The following ZBTB7A variants were observed in gnomAD, a reference collection of about 807,000 sequenced individuals.
The protein encoded by ZBTB7A is zinc finger and BTB domain-containing protein 7A.
Under a neutral mutation model 26.7 loss-of-function variants are expected in ZBTB7A, and 7 were observed. The observed-to-expected ratio is 0.26, with a 90% CI of 0.15 to 0.49. The LOEUF (loss-of-function observed/expected upper bound fraction) is 0.49. Ranked by LOEUF, ZBTB7A falls within the 20% of genes least tolerant of loss-of-function variation. ZBTB7A has a pLI of 0.98. For missense variants in ZBTB7A, 617 were observed against 919.5 expected (o/e 0.67, Z 4.25); for synonymous variants, 452 against 441.0 (o/e 1.02, Z -0.31).
At chr19:4,064,059 T>C (rs56356382) in intron 1 of ZBTB7A, among the ~76,000 whole-genome samples, 35,005 of 152,144 alleles carry the variant, frequency 0.23, 4,739 homozygotes, top group African/African-American at 0.38. Flanking sequence ...CAGGAACCTT[T>C]CCGACCAGGC....
At position 4,065,606 on chromosome 19, in the gene ZBTB7A, C is replaced by T. The variant is rs928050214; in HGVS notation, c.-16+1076G>A. ...CTGGGGGGAGGGCGATGCAAATTAC[C>T]CCGGATCTGGGTCCGCCCGCCCGCC... is the stretch of plus-strand genomic sequence containing the variant. On this transcript the variant is annotated intron_variant, in intron 1 of 2. Coordinates refer to ENST00000322357, the MANE Select transcript of ZBTB7A (RefSeq NM_015898.4). 14 of 145,150 alleles carry T rather than the reference C, an allele frequency of 9.6e-5. No homozygotes were observed. In the East Asian group the frequency reaches 2.7e-3, roughly 27 times the overall value. The allele number at this position is 145,150 out of a possible 1,614,324, so 9.0% of individuals were successfully genotyped here. A position where few individuals can be genotyped will look rare whatever the true frequency, so the allele number is the denominator to read the frequency against.
chr19:4,060,730 C>T (rs1599261727), intron 1 of ZBTB7A, among the ~76,000 whole-genome samples: 2 of 152,184 alleles, frequency 1.3e-5, no homozygotes, highest in South Asian at 2.1e-4. Flanking sequence ...GAGGCTGCAT[C>T]GCTAGTGCAG....
rs1191140611 is a variant in ZBTB7A at position 4,046,302 on chromosome 19, G to A, written c.*1450C>T. The A allele has an allele frequency of 1.1e-5, 4 of 379,614 alleles. No homozygotes were observed. Among genetic ancestry groups the A allele is most frequent in the African/African-American group, 2.1e-5 (1 of 48,036 alleles). 23.5% of individuals were successfully genotyped at this position (379,614 alleles called of 1,614,324 possible). A position where few individuals can be genotyped will look rare whatever the true frequency, so the allele number is the denominator to read the frequency against. On this transcript the variant is annotated 3_prime_UTR_variant, in exon 3 of 3. Transcript: ENST00000322357. ...GGCTTCCTCCTGAACCCCCCTTCTC[G>A]CTTTTTGGGGAACAGAAGTGGATTC...
At chr19:4,058,874 C>A (rs536479097) in intron 1 of ZBTB7A, among the ~76,000 whole-genome samples, 1 of 152,214 alleles carries the variant, frequency 6.6e-6, no homozygotes, top group Non-Finnish European at 1.5e-5. Flanking sequence ...GGCCCCTCCA[C>A]CCGCCTTCCT....
chr19:4,050,329 G>A (rs2040488003), intron 2 of ZBTB7A, among the ~76,000 whole-genome samples: 2 of 152,308 alleles, frequency 1.3e-5, no homozygotes, highest in Admixed American at 1.3e-4. Context: ...CCAAAGTGCT[G>A]GGATTACAGG....
intron 2 of ZBTB7A, among the ~76,000 whole-genome samples, chr19:4,051,543 A>G (rs548449194): frequency 1.6e-4 from 24 of 152,296 alleles, no homozygotes; most frequent in Admixed American, 1.4e-3. Context: ...CTTGGCAACC[A>G]GACCCCTACC....
intron 1 of ZBTB7A, among the ~76,000 whole-genome samples, chr19:4,065,073 G>T (rs1568239483): frequency 1.3e-5 from 2 of 151,800 alleles, no homozygotes; most frequent in Admixed American, 6.5e-5. Flanking sequence ...CGGGAGGTAG[G>T]GAGCGGGAGG....
In ZBTB7A at chr19:4,043,627, G is replaced by C. The variant is rs532017185; in HGVS notation, c.*4125C>G. Reference sequence around the variant, plus strand: ...TTCTGGGCCTGGGGTGGGGTGGGGGGCGGGACCTGGGCATCGGATCCTGGT... The same window carrying C: ...TTCTGGGCCTGGGGTGGGGTGGGGGCCGGGACCTGGGCATCGGATCCTGGT... On this transcript the variant is annotated 3_prime_UTR_variant, in exon 3 of 3. Coordinates refer to ENST00000322357, the MANE Select transcript of ZBTB7A (RefSeq NM_015898.4). Among the ~76,000 whole-genome samples, 5 of 151,220 alleles carry C rather than the reference G, an allele frequency of 3.3e-5. No individual in the cohort carries two copies. In the East Asian group the frequency reaches 5.9e-4, roughly 18 times the overall value.
chr19:4,046,748 T>C lies in ZBTB7A; in HGVS notation c.*1004A>G, dbSNP rs2040424935. On this transcript the variant is annotated 3_prime_UTR_variant, in exon 3 of 3. Coordinates refer to ENST00000322357, the MANE Select transcript of ZBTB7A (RefSeq NM_015898.4). Reference sequence around the variant, plus strand: ...TTTATCCCACACTGTTGCCTGCTCCTCTGAGGAAAAGTATATTATTTATAT... The same window carrying C: ...TTTATCCCACACTGTTGCCTGCTCCCCTGAGGAAAAGTATATTATTTATAT... 1 of 148,908 alleles carries C rather than the reference T, an allele frequency of 6.7e-6. No individual in the cohort carries two copies. The highest frequency in any genetic ancestry group is 2.1e-4 in the South Asian group (1 of 4,774). The allele number at this position is 148,908 out of a possible 1,614,324, so 9.2% of individuals were successfully genotyped here. A position where few individuals can be genotyped will look rare whatever the true frequency, so the allele number is the denominator to read the frequency against.
chr19:4,063,328 G>A (rs1345130256), intron 1 of ZBTB7A, among the ~76,000 whole-genome samples: 5 of 152,232 alleles, frequency 3.3e-5, no homozygotes, highest in South Asian at 2.1e-4. Flanking sequence ...CAACCCTTGA[G>A]GAGCCCTCCT....
At chr19:4,049,148 ATGTG>A (rs141419678) in intron 2 of ZBTB7A, among the ~76,000 whole-genome samples, 504 of 41,438 alleles carry the variant, frequency 0.012, 14 homozygotes, top group South Asian at 0.028. Flanking sequence ...ATTAAACTAT[ATGTG>A]TGTGTGTGTG....
intron 1 of ZBTB7A, chr19:4,065,395 T>C (rs1005006017): frequency 7.1e-5 from 10 of 140,632 alleles, no homozygotes; most frequent in Non-Finnish European, 1.3e-4. Flanking sequence ...CGGCCCGCGG[T>C]CCCCCGCCGC....
At position 4,055,200 on chromosome 19, in the gene ZBTB7A, G is replaced by T; in HGVS notation, c.33C>A (p.Ile11=). The change falls in exon 2 of 3, where the codon ATC becomes ATA. Residue 11 remains isoleucine, a synonymous_variant. Transcript: ENST00000322357. ...TGTCGCTGCTGTGGTCGGGGAACGGGATCCCGATGGGGCCGTCCACGCCGC... is the reference window on the plus strand; with the variant it reads ...TGTCGCTGCTGTGGTCGGGGAACGGTATCCCGATGGGGCCGTCCACGCCGC... MAGGVDGPIG[I]PFPDHSSDIL... 1 of 1,569,840 alleles carries T rather than the reference G, an allele frequency of 6.4e-7. No individual in the cohort carries two copies.
chr19:4,049,162 G>GTATA lies in ZBTB7A; in HGVS notation c.1263-919_1263-918insTATA, dbSNP rs1253863952. ...TATTAAACTATATGTGTGTGTGTGT[G>GTATA]TGTGTGTATATATATATATATATAT... On this transcript the variant is annotated intron_variant, in intron 2 of 2. Coordinates refer to ENST00000322357, the MANE Select transcript of ZBTB7A (RefSeq NM_015898.4). 2.2e-3 allele frequency among the ~76,000 whole-genome samples: 41 copies of GTATA among 18,400 alleles called. 1 individual carries two copies. The highest frequency in any genetic ancestry group is 4.0e-3 in the African/African-American group (40 of 10,032). The allele number at this position is 18,400 out of a possible 152,430, so 12.1% of individuals were successfully genotyped here. A position where few individuals can be genotyped will look rare whatever the true frequency, so the allele number is the denominator to read the frequency against.
At chr19:4,059,306 C>T (rs2040615904) in intron 1 of ZBTB7A, among the ~76,000 whole-genome samples, 1 of 152,040 alleles carries the variant, frequency 6.6e-6, no homozygotes, top group African/African-American at 2.4e-5. Context: ...GAGGATGGGC[C>T]CAAAATAATC....
chr19:4,064,237 C>A (rs1013380114), intron 1 of ZBTB7A, among the ~76,000 whole-genome samples: 2 of 152,254 alleles, frequency 1.3e-5, no homozygotes, highest in African/African-American at 4.8e-5. Context: ...ATAAATACCC[C>A]CCGGACTGAC....
Position 4,045,839 on chromosome 19 carries a change from G to A in ZBTB7A, c.*1913C>T, listed in dbSNP as rs969466498. ...CCTTGTGGGAGCCAGAGGTTGGGGG[G>A]AGGCAGGTCCCAGTCCCCCTGGATT... On this transcript the variant is annotated 3_prime_UTR_variant, in exon 3 of 3. Coordinates refer to ENST00000322357, the MANE Select transcript of ZBTB7A (RefSeq NM_015898.4). This position sits in a 1 kb window ranked among gnomAD's most constrained non-coding sequence, Gnocchi z 4.1. 3 of 398,724 alleles carry A rather than the reference G, an allele frequency of 7.5e-6. No individual in the cohort carries two copies. The highest frequency in any genetic ancestry group is 6.2e-5 in the African/African-American group (3 of 48,626). The allele number at this position is 398,724 out of a possible 1,614,324, so 24.7% of individuals were successfully genotyped here. A position where few individuals can be genotyped will look rare whatever the true frequency, so the allele number is the denominator to read the frequency against.
At chr19:4,059,229 G>A (rs374695693) in intron 1 of ZBTB7A, among the ~76,000 whole-genome samples, 4 of 152,222 alleles carry the variant, frequency 2.6e-5, no homozygotes, top group East Asian at 1.9e-4. Flanking sequence ...CTGCTGGGCC[G>A]TTCCTCCCCT....
At chr19:4,064,727 C>T (rs1568239296) in intron 1 of ZBTB7A, among the ~76,000 whole-genome samples, 1 of 152,044 alleles carries the variant, frequency 6.6e-6, no homozygotes, top group East Asian at 1.9e-4. Context: ...ACCGAGCCCG[C>T]CACCCATGGG....
Sources: allele counts gnomAD v4.1 joint callset (sites outside exome capture counted in the v4.1 genomes callset), GRCh38; gene constraint gnomAD v4.1.1; non-coding constraint Gnocchi (gnomAD v3.1); transcripts MANE v1.5; gene names NCBI Gene and HGNC (gene_info 2026-07-23, HGNC 2026-07-21).